IL16: variants seen among roughly 807,000 people sequenced by gnomAD.
IL16 encodes the protein pro-interleukin-16.
IL16 carries 67 observed loss-of-function variants against 110.1 expected under a neutral mutation model. That is an observed-to-expected ratio of 0.61 (90% confidence interval 0.50 to 0.75). The LOEUF is 0.75. Ranked by LOEUF, IL16 falls within the 30% of genes least tolerant of loss-of-function variation. The pLI, the probability that IL16 is intolerant of heterozygous loss-of-function variation, is 0.00. For missense variants in IL16, 1,545 were observed against 1,655.0 expected, an observed-to-expected ratio of 0.93 and a Z score of 1.15; for synonymous variants, 689 against 662.9, an observed-to-expected ratio of 1.04 and a Z score of -0.61.
intron 16 of IL16, among the ~76,000 whole-genome samples, chr15:81,304,672 AACCTG>A (rs1900461855): frequency 6.6e-6 from 1 of 152,128 alleles, no homozygotes; most frequent in Non-Finnish European, 1.5e-5. Flanking sequence ...ATAGAGGAGG[AACCTG>A]AGGTTCCTCC....
At chr15:81,284,790 T>C (rs1899364336) in intron 9 of IL16, among the ~76,000 whole-genome samples, 1 of 152,176 alleles carries the variant, frequency 6.6e-6, no homozygotes, top group South Asian at 2.1e-4. Flanking sequence ...AATAAAATTA[T>C]ATTGGAACAA....
intron 15 of IL16, 64 bp downstream of exon 15, chr15:81,301,576 G>T: frequency 6.8e-7 from 1 of 1,477,268 alleles, no homozygotes; most frequent in Non-Finnish European, 9.3e-7. Context: ...GGCCACCTTA[G>T]TTGGGCCAGA....
At chr15:81,228,597 G>A (rs183092682) in intron 2 of IL16, among the ~76,000 whole-genome samples, 29 of 152,158 alleles carry the variant, frequency 1.9e-4, no homozygotes, top group Non-Finnish European at 3.7e-4. Flanking sequence ...GTGCTTGGGG[G>A]AGTGAGCCAC....
At chr15:81,213,572 ATGT>A (rs1237767272) in intron 1 of IL16, among the ~76,000 whole-genome samples, 3 of 152,100 alleles carry the variant, frequency 2.0e-5, no homozygotes, top group Non-Finnish European at 4.4e-5. Context: ...GGGTGCTCCA[ATGT>A]TGGGTGCAGT....
intron 13 of IL16, 157 bp from the exon 14 acceptor site, chr15:81,299,223 G>C: frequency 8.5e-7 from 1 of 1,180,974 alleles, no homozygotes; most frequent in South Asian, 1.2e-5. Flanking sequence ...GCTCAGTCAG[G>C]TAATAGCACC....
rs369216836 is a variant in IL16 at position 81,280,294 on chromosome 15, A to C, written c.1081+520A>C. Among the ~76,000 whole-genome samples the C allele has an allele frequency of 8.5e-5, 13 of 152,340 alleles. No homozygotes were observed. The South Asian group carries it at 2.7e-3, about 32-fold the overall frequency. On this transcript the variant is annotated intron_variant, in intron 8 of 18. Transcript: ENST00000683961. Reference sequence around the variant, plus strand: ...GAGGATAAAGAGGAGGCAGCGAGGCACAGAGCTGGGCTCCAGCACAGGGGC... The same window carrying C: ...GAGGATAAAGAGGAGGCAGCGAGGCCCAGAGCTGGGCTCCAGCACAGGGGC...
At chr15:81,253,866 C>A (rs1442415625) in intron 2 of IL16, among the ~76,000 whole-genome samples, 2 of 152,194 alleles carry the variant, frequency 1.3e-5, no homozygotes, top group African/African-American at 4.8e-5. Context: ...GAACTGCAGT[C>A]ATGCAGGGGT....
chr15:81,225,417 C>G lies in IL16; in HGVS notation c.18C>G (p.Arg6=). Residue 6 remains arginine (R), a synonymous_variant, in exon 2 of 19, where the codon CGC becomes CGG. Coordinates refer to ENST00000683961, the MANE Select transcript of IL16 (RefSeq NM_172217.5). ...CTTTGAGGATGGAGTCGCACAGCCG[C>G]GCTGGAAAGAGCAGAAAATCTGCAA... MESHS[R]AGKSRKSAKF... The G allele has an allele frequency of 6.2e-7, 1 of 1,614,006 alleles. No homozygotes were observed.
At chr15:81,282,277 G>A (rs994615968) in intron 8 of IL16, among the ~76,000 whole-genome samples, 10 of 152,060 alleles carry the variant, frequency 6.6e-5, no homozygotes, top group Admixed American at 4.6e-4. Flanking sequence ...TAGCCCAACT[G>A]GTGTCTCCTC....
intron 10 of IL16, among the ~76,000 whole-genome samples, chr15:81,288,203 G>A (rs533015933): frequency 1.4e-4 from 21 of 152,250 alleles, no homozygotes; most frequent in South Asian, 1.0e-3. Context: ...CACAGGCATA[G>A]GGCAGAGAGA....
Position 81,300,616 on chromosome 15 carries a change from T to C in IL16, c.3149+141T>C, listed in dbSNP as rs1382572126. ...GAATTGTTCTGCCTCTTTCTTTCCA[T>C]GTGTGTGCAGATGTCTGAGTGTGTG... On this transcript the variant is annotated intron_variant, in intron 14 of 18. Transcript: ENST00000683961. 3 of 581,298 alleles carry C rather than the reference T, an allele frequency of 5.2e-6. No individual in the cohort carries two copies. The African/African-American group carries it at 5.9e-5, about 11-fold the overall frequency. 36.0% of individuals were successfully genotyped at this position (581,298 alleles called of 1,614,324 possible).
chr15:81,306,785 T>A (rs555946929), intron 18 of IL16: 369 of 534,158 alleles, frequency 6.9e-4, no homozygotes, highest in African/African-American at 6.5e-3. Flanking sequence ...AGTCCTGGGC[T>A]TGGTTCGGGT....
At chr15:81,201,507 G>A (rs1010966608) in intron 1 of IL16, among the ~76,000 whole-genome samples, 7 of 152,114 alleles carry the variant, frequency 4.6e-5, no homozygotes, top group Admixed American at 2.0e-4. Flanking sequence ...GTTCATCCAC[G>A]AACAACTTTT....
Position 81,238,110 on chromosome 15 carries a change from G to T in IL16, c.312+12399G>T, listed in dbSNP as rs575184184. 2.0e-5 allele frequency among the ~76,000 whole-genome samples: 3 copies of T among 152,034 alleles called. No individual in the cohort carries two copies. The South Asian group carries it at 6.2e-4, about 32-fold the overall frequency. On this transcript the variant is annotated intron_variant, in intron 2 of 18. Transcript: ENST00000683961. Reference sequence around the variant, plus strand: ...GTAGAGATGGGGTTTTACCATCTTGGCCAGGCTGGTCTTGAACTCCTGACC... The same window carrying T: ...GTAGAGATGGGGTTTTACCATCTTGTCCAGGCTGGTCTTGAACTCCTGACC...
chr15:81,301,306 T>C, intron 14 of IL16, 38 bp from the exon 15 acceptor site: 1 of 1,548,832 alleles, frequency 6.5e-7, no homozygotes. Context: ...CTTTTTAATA[T>C]TGTTGTTCAT....
intron 1 of IL16, among the ~76,000 whole-genome samples, chr15:81,207,835 G>A (rs1210309984): frequency 7.5e-6 from 1 of 133,048 alleles, no homozygotes; most frequent in Non-Finnish European, 1.5e-5. Flanking sequence ...GCATACAAGT[G>A]CATGTGGGTT....
intron 1 of IL16, among the ~76,000 whole-genome samples, chr15:81,198,225 A>G (rs923783276): frequency 2.0e-5 from 3 of 151,862 alleles, no homozygotes; most frequent in African/African-American, 7.3e-5. Context: ...TTTCCTGGCC[A>G]CTCTTCAAGC....
chr15:81,245,887 G>A (rs1344548387), intron 2 of IL16, among the ~76,000 whole-genome samples: 1 of 151,834 alleles, frequency 6.6e-6, no homozygotes, highest in Non-Finnish European at 1.5e-5. Flanking sequence ...ACCTTTCAGA[G>A]TCTTCTTATG....
upstream of IL16, among the ~76,000 whole-genome samples, chr15:81,192,584 G>T (rs1376558583): frequency 2.0e-5 from 3 of 152,154 alleles, no homozygotes; most frequent in Non-Finnish European, 4.4e-5. Flanking sequence ...CTGCAGCCTG[G>T]GCCACAGAGC....
Sources: allele counts gnomAD v4.1 joint callset (sites outside exome capture counted in the v4.1 genomes callset), GRCh38; gene constraint gnomAD v4.1.1; transcripts MANE v1.5; gene names NCBI Gene and HGNC (gene_info 2026-07-23, HGNC 2026-07-21).